Variants in RNF115 observed in about 807,000 individuals in gnomAD.
RNF115 encodes the protein ring finger protein 115.
In RNF115, 31 loss-of-function variants were observed where a neutral mutation model predicts 39.2. The ratio of observed to expected loss-of-function variants is 0.79; its 90% confidence interval spans 0.59 to 1.07. The LOEUF is 1.07. Among genes scored for constraint, RNF115 ranks in the 50% least tolerant of loss-of-function variants. RNF115 has a pLI of 0.00. For synonymous variants in RNF115, 124 were observed against 131.0 expected, an observed-to-expected ratio of 0.95 and a Z score of 0.37; for missense variants, 384 against 381.7, an observed-to-expected ratio of 1.01 and a Z score of -0.05.
intron 3 of RNF115, among the ~76,000 whole-genome samples, chr1:145,783,073 G>C (rs1648220223): frequency 6.6e-6 from 1 of 152,142 alleles, no homozygotes; most frequent in Admixed American, 6.5e-5. Context: ...ATGTTGGCTA[G>C]GCTGGTCTCG....
intron 1 of RNF115, among the ~76,000 whole-genome samples, chr1:145,796,659 T>TTTG (rs1648995324): frequency 6.6e-6 from 1 of 152,126 alleles, no homozygotes; most frequent in African/African-American, 2.4e-5. Flanking sequence ...AATACTAGGA[T>TTTG]TACAGGCATG....
intron 1 of RNF115, among the ~76,000 whole-genome samples, chr1:145,800,111 A>G (rs1327794869): frequency 1.3e-5 from 2 of 152,222 alleles, no homozygotes; most frequent in Non-Finnish European, 2.9e-5. Context: ...AAGTTACAAC[A>G]GTCTGAGAAA....
intron 1 of RNF115, among the ~76,000 whole-genome samples, chr1:145,795,016 CAAAAAAAAAAAA>C (rs782249648): frequency 2.0e-4 from 16 of 78,302 alleles, no homozygotes; most frequent in East Asian, 4.4e-4. Context: ...GACTCCATTT[CAAAAAAAAAAAA>C]AAAAAAAAAG....
At chr1:145,811,355 CA>C (rs71829191) in intron 1 of RNF115, among the ~76,000 whole-genome samples, 67 of 60,458 alleles carry the variant, frequency 1.1e-3, no homozygotes, top group African/African-American at 1.8e-3. Context: ...CCATCACTAC[CA>C]AAAAAAAAAA....
chr1:145,801,539 AAAAG>A (rs1434702891), intron 1 of RNF115, among the ~76,000 whole-genome samples: 20 of 152,186 alleles, frequency 1.3e-4, no homozygotes, highest in African/African-American at 2.7e-4. Flanking sequence ...ATGTCAAAAA[AAAAG>A]AAAGAAAGAA....
At chr1:145,801,027 T>G (rs1240147955) in intron 1 of RNF115, among the ~76,000 whole-genome samples, 1 of 151,916 alleles carries the variant, frequency 6.6e-6, no homozygotes, top group African/African-American at 2.4e-5. Context: ...AAAAATTAGC[T>G]GGGCGTGGTG....
At chr1:145,766,693 C>G in intron 4 of RNF115, among the ~76,000 whole-genome samples, 1 of 142,706 alleles carries the variant, frequency 7.0e-6, no homozygotes, top group Admixed American at 6.9e-5. Flanking sequence ...CACCTCCCTC[C>G]CGGACGGGGC....
At chr1:145,820,267 C>T (rs1294991284) in intron 1 of RNF115, among the ~76,000 whole-genome samples, 1 of 150,862 alleles carries the variant, frequency 6.6e-6, no homozygotes, top group Non-Finnish European at 1.5e-5. Context: ...AAATTTGAGA[C>T]CAGCCGGGGC....
At chr1:145,781,547 G>GTATCTAATAAT (rs1648146641) in intron 3 of RNF115, among the ~76,000 whole-genome samples, 1 of 152,064 alleles carries the variant, frequency 6.6e-6, no homozygotes, top group Admixed American at 6.6e-5. Context: ...TCTTAATAAT[G>GTATCTAATAAT]GCTAAAATGT....
chr1:145,818,182 C>T (rs1650074244), intron 1 of RNF115, among the ~76,000 whole-genome samples: 1 of 152,002 alleles, frequency 6.6e-6, no homozygotes, highest in Non-Finnish European at 1.5e-5. Context: ...AAACTGCCTT[C>T]CACAGTGGCT....
At chr1:145,768,810 A>G (rs993673329) in intron 4 of RNF115, among the ~76,000 whole-genome samples, 1 of 152,258 alleles carries the variant, frequency 6.6e-6, no homozygotes, top group East Asian at 1.9e-4. Context: ...GTACTTTCAA[A>G]ACATACAGTG....
intron 7 of RNF115, among the ~76,000 whole-genome samples, chr1:145,749,316 C>T (rs1473463844): frequency 6.6e-6 from 1 of 152,154 alleles, no homozygotes; most frequent in Non-Finnish European, 1.5e-5. Context: ...CTTAACCCTC[C>T]AAATATATCC....
chr1:145,739,239 A>T lies in RNF115; in HGVS notation c.*7627T>A, dbSNP rs1553710665. 6.6e-6 allele frequency: 1 copy of T among 152,206 alleles called. No homozygotes were observed. Among genetic ancestry groups the T allele is most frequent in the Non-Finnish European group, 1.5e-5 (1 of 68,036 alleles). The allele number at this position is 152,206 out of a possible 1,614,324, so 9.4% of individuals were successfully genotyped here. On this transcript the variant is annotated 3_prime_UTR_variant, in exon 9 of 9. Coordinates refer to ENST00000582693, the MANE Select transcript of RNF115 (RefSeq NM_014455.4). ...GACCTCTTGTCATAGTTAAGCAGAG[A>T]GTGGGCAGGATATTCCTGATAGGAG...
At chr1:145,749,900 T>C (rs1293073637) in intron 7 of RNF115, among the ~76,000 whole-genome samples, 1 of 152,212 alleles carries the variant, frequency 6.6e-6, no homozygotes, top group Non-Finnish European at 1.5e-5. Context: ...ACCAAAATGC[T>C]GTCCCTTGTC....
In RNF115 at chr1:145,748,118, A is replaced by T. The variant is rs1657944029; in HGVS notation, c.668-8T>A. On this transcript the variant is annotated splice_region_variant and splice_polypyrimidine_tract_variant and intron_variant, in intron 7 of 8. Coordinates refer to ENST00000582693, the MANE Select transcript of RNF115 (RefSeq NM_014455.4). ...GACACTCTAAACCCATATCTGTTGA[A>T]GAAGGAAATGCCTTTTAAAGTAAAC... 2.5e-6 allele frequency: 4 copies of T among 1,586,818 alleles called. No homozygotes were observed. Among genetic ancestry groups the T allele is most frequent in the Non-Finnish European group, 3.5e-6 (4 of 1,155,420 alleles).
intron 1 of RNF115, among the ~76,000 whole-genome samples, chr1:145,796,182 T>G (rs1553719995): frequency 6.6e-6 from 1 of 152,206 alleles, no homozygotes; most frequent in Non-Finnish European, 1.5e-5. Context: ...TTCTTCTGGA[T>G]TCACACAAGT....
rs1657663690 is a variant in RNF115, at chr1:145,740,680, T to C, written c.*6186A>G. The C allele has an allele frequency of 1.3e-5, 2 of 152,248 alleles. No homozygotes were observed. 9.4% of individuals were successfully genotyped at this position (152,248 alleles called of 1,614,324 possible). A position where few individuals can be genotyped will look rare whatever the true frequency, so the allele number is the denominator to read the frequency against. ...CCATAATCTTCAGCCTGAATAAATA[T>C]CTTTCAAATATTTGTATATATTTCA... is the stretch of plus-strand genomic sequence containing the variant. On this transcript the variant is annotated 3_prime_UTR_variant, in exon 9 of 9. Coordinates refer to ENST00000582693, the MANE Select transcript of RNF115 (RefSeq NM_014455.4).
At chr1:145,820,251 G>A (rs1341014479) in intron 1 of RNF115, among the ~76,000 whole-genome samples, 5 of 149,824 alleles carry the variant, frequency 3.3e-5, no homozygotes, top group African/African-American at 9.8e-5. Flanking sequence ...GATTGCTTAA[G>A]CCCAGAAATT....
chr1:145,818,091 G>A (rs1465105117), intron 1 of RNF115, among the ~76,000 whole-genome samples: 1 of 151,392 alleles, frequency 6.6e-6, no homozygotes, highest in Non-Finnish European at 1.5e-5. Context: ...TTGGTAAAAC[G>A]ATTTATATTC....
Sources: gnomAD v4.1 joint callset for allele counts (sites outside exome capture counted in the v4.1 genomes callset) on GRCh38, gnomAD v4.1.1 for gene constraint, MANE v1.5 for transcripts, NCBI Gene and HGNC (gene_info 2026-07-23, HGNC 2026-07-21) for gene names.